C12orf54: variants seen among roughly 807,000 people sequenced by gnomAD.
C12orf54 encodes the protein chromosome 12 open reading frame 54, also known as uncharacterized protein C12orf54.
Under a neutral mutation model 26.4 loss-of-function variants are expected in C12orf54, and 24 were observed. That is an observed-to-expected ratio of 0.91 (90% CI 0.66 to 1.28). The LOEUF is 1.28. Among genes scored for constraint, C12orf54 ranks in the 50% most tolerant of loss-of-function variants. The probability of loss-of-function intolerance (pLI) is 0.00; values close to 1 mark genes in which losing one functional copy is unlikely to be tolerated. For synonymous variants in C12orf54, 54 were observed against 47.0 expected (o/e 1.15, Z -0.61); for missense variants, 154 against 150.9 (o/e 1.02, Z -0.11).
the C12orf54 span, among the ~76,000 whole-genome samples, chr12:48,467,244 C>A: frequency 6.6e-6 from 1 of 152,154 alleles, no homozygotes; most frequent in Non-Finnish European, 1.5e-5. Context: ...AGATTGTCTG[C>A]AGCCAGTAAA....
At chr12:48,476,869 T>C in the C12orf54 span, among the ~76,000 whole-genome samples, 1 of 152,148 alleles carries the variant, frequency 6.6e-6, no homozygotes, top group Non-Finnish European at 1.5e-5. Context: ...TATCGAGGAA[T>C]TGAACTCAGC....
At chr12:48,489,535 C>G (rs1383114672) in intron 5 of C12orf54, among the ~76,000 whole-genome samples, 2 of 152,026 alleles carry the variant, frequency 1.3e-5, no homozygotes, top group Admixed American at 6.6e-5. Flanking sequence ...AAGTGAATCT[C>G]CTCCCTTAGC....
At chr12:48,444,315 A>T in the C12orf54 span, among the ~76,000 whole-genome samples, 1 of 152,224 alleles carries the variant, frequency 6.6e-6, no homozygotes, top group Non-Finnish European at 1.5e-5. Context: ...CTGGAAAGTC[A>T]GGGAATCAAA....
At chr12:48,465,141 T>C in the C12orf54 span, among the ~76,000 whole-genome samples, 13 of 152,124 alleles carry the variant, frequency 8.5e-5, no homozygotes, top group Non-Finnish European at 1.5e-4. Context: ...ACTGACAGAA[T>C]GGGAGAAAAT....
At chr12:48,432,499 T>C in the C12orf54 span, among the ~76,000 whole-genome samples, 1 of 141,970 alleles carries the variant, frequency 7.0e-6, no homozygotes, top group Non-Finnish European at 1.6e-5. Flanking sequence ...ATGAGAAGCT[T>C]TCTCATTGAT....
intron 1 of C12orf54, 78 bp from the exon 2 acceptor site, chr12:48,483,162 G>A: frequency 1.5e-6 from 1 of 679,314 alleles, no homozygotes; most frequent in Non-Finnish European, 2.5e-6. Flanking sequence ...ATTAACTGCT[G>A]GTAGTTCTCC....
At chr12:48,472,716 G>A in the C12orf54 span, 43 of 1,614,080 alleles carry the variant, frequency 2.7e-5, no homozygotes, top group South Asian at 1.4e-4. Flanking sequence ...GACGCCCTCC[G>A]ATGTGAAAGA....
chr12:48,415,241 A>G, the C12orf54 span, among the ~76,000 whole-genome samples: 1 of 152,120 alleles, frequency 6.6e-6, no homozygotes, highest in African/African-American at 2.4e-5. Context: ...ACAAAACCAA[A>G]AACAAATAGC....
At chr12:48,436,849 G>C in the C12orf54 span, among the ~76,000 whole-genome samples, 1 of 152,148 alleles carries the variant, frequency 6.6e-6, no homozygotes, top group African/African-American at 2.4e-5. Flanking sequence ...AAAAGAACTA[G>C]AGAAGCAAGA....
At chr12:48,485,835 T>C (rs1246915909) in intron 2 of C12orf54, among the ~76,000 whole-genome samples, 5 of 152,176 alleles carry the variant, frequency 3.3e-5, no homozygotes, top group Non-Finnish European at 5.9e-5. Context: ...CTGGGAAGTT[T>C]GACAGGTTAG....
At chr12:48,490,733 C>A in intron 5 of C12orf54, 79 bp from the exon 6 acceptor site, 1 of 1,521,792 alleles carries the variant, frequency 6.6e-7, no homozygotes, top group Non-Finnish European at 9.1e-7. Flanking sequence ...TGCATTTGAC[C>A]AAGTCTATAG....
At chr12:48,426,958 A>G in the C12orf54 span, among the ~76,000 whole-genome samples, 10 of 152,140 alleles carry the variant, frequency 6.6e-5, no homozygotes, top group East Asian at 1.9e-4. Flanking sequence ...AAAATGGTTT[A>G]TCCACTGAAG....
the C12orf54 span, among the ~76,000 whole-genome samples, chr12:48,414,071 A>G: frequency 6.6e-6 from 1 of 152,266 alleles, no homozygotes. Flanking sequence ...AAACAATTAC[A>G]GATTGATAAA....
intron 6 of C12orf54, 123 bp from the exon 7 acceptor site, chr12:48,492,824 T>A: frequency 1.3e-6 from 1 of 792,646 alleles, no homozygotes; most frequent in Non-Finnish European, 2.2e-6. Context: ...AGGTGGTCAG[T>A]GTCCCTTCAA....
chr12:48,456,439 G>A, the C12orf54 span, among the ~76,000 whole-genome samples: 3 of 152,128 alleles, frequency 2.0e-5, no homozygotes, highest in African/African-American at 4.8e-5. Context: ...GTCTTAGAAC[G>A]AGGAGTGGCA....
At chr12:48,479,916 ATTGAT>A (rs1954181434), upstream of C12orf54, among the ~76,000 whole-genome samples, 2 of 152,142 alleles carry the variant, frequency 1.3e-5, no homozygotes, top group Non-Finnish European at 2.9e-5. Flanking sequence ...CCAACAGGCC[ATTGAT>A]CTTTTCAAGA....
At chr12:48,445,026 C>G in the C12orf54 span, among the ~76,000 whole-genome samples, 1 of 152,092 alleles carries the variant, frequency 6.6e-6, no homozygotes, top group African/African-American at 2.4e-5. Context: ...CAAAAATTAG[C>G]CAGGCGTGGT....
upstream of C12orf54, chr12:48,482,492 G>A (rs891290031): frequency 6.6e-6 from 1 of 152,240 alleles, no homozygotes; most frequent in Non-Finnish European, 1.5e-5. Flanking sequence ...ATGGGAACAG[G>A]AGGCTGTTGT....
the C12orf54 span, among the ~76,000 whole-genome samples, chr12:48,469,497 C>T: frequency 6.6e-6 from 1 of 151,940 alleles, no homozygotes; most frequent in African/African-American, 2.4e-5. Context: ...TTTTAGGATG[C>T]CCAGATTTCA....
Sources: allele counts gnomAD v4.1 joint callset (sites outside exome capture counted in the v4.1 genomes callset), GRCh38; gene constraint gnomAD v4.1.1; transcripts MANE v1.5; gene names NCBI Gene and HGNC (gene_info 2026-07-23, HGNC 2026-07-21).